The following LARGE1 variants were observed in gnomAD, a reference collection of about 807,000 sequenced individuals.
LARGE1 encodes the protein LARGE xylosyl- and glucuronyltransferase 1, also known as xylosyl- and glucuronyltransferase LARGE1.
Under a neutral mutation model 87.6 loss-of-function variants are expected in LARGE1, and 43 were observed. The ratio of observed to expected loss-of-function variants is 0.49; its 90% CI spans 0.38 to 0.63. LARGE1 has a LOEUF of 0.63. Among genes scored for constraint, LARGE1 ranks in the 30% least tolerant of loss-of-function variants. LARGE1 has a pLI of 0.00. For missense variants in LARGE1, 802 were observed against 1,000.2 expected (o/e 0.80, Z 2.67); for synonymous variants, 434 against 394.6 (o/e 1.10, Z -1.18).
chr22:33,788,595 A>G (rs997799152), intron 1 of LARGE1, among the ~76,000 whole-genome samples: 1 of 152,232 alleles, frequency 6.6e-6, no homozygotes, highest in African/African-American at 2.4e-5. Context: ...TGACAGTGAT[A>G]TGGACAATGA....
At chr22:33,811,377 C>G (rs933983906) in intron 1 of LARGE1, among the ~76,000 whole-genome samples, 3 of 152,144 alleles carry the variant, frequency 2.0e-5, no homozygotes, top group Admixed American at 2.0e-4. Flanking sequence ...GTGGGACGCT[C>G]GTGGCTGAAG....
At chr22:33,901,214 G>A (rs1015413513) in intron 1 of LARGE1, among the ~76,000 whole-genome samples, 1 of 152,090 alleles carries the variant, frequency 6.6e-6, no homozygotes, top group Non-Finnish European at 1.5e-5. Context: ...GAACCAGAAG[G>A]GTTCTCACCG....
At chr22:33,346,322 G>C (rs1421171343) in intron 9 of LARGE1, among the ~76,000 whole-genome samples, 1 of 139,304 alleles carries the variant, frequency 7.2e-6, no homozygotes, top group Non-Finnish European at 1.5e-5. Flanking sequence ...TTTTTTCTGA[G>C]ACAGAGTCTC....
chr22:33,869,711 T>C (rs1163517392), intron 1 of LARGE1, among the ~76,000 whole-genome samples: 2 of 152,192 alleles, frequency 1.3e-5, no homozygotes, highest in African/African-American at 2.4e-5. Context: ...TGGTTCTCCT[T>C]TCTCCCCATT....
At chr22:33,367,803 T>A (rs899721351) in intron 9 of LARGE1, among the ~76,000 whole-genome samples, 17 of 152,176 alleles carry the variant, frequency 1.1e-4, no homozygotes, top group African/African-American at 4.1e-4. Context: ...TTTCTTCTTT[T>A]TAATATAAAC....
At chr22:33,140,863 T>C in the LARGE1 span, among the ~76,000 whole-genome samples, 5 of 152,192 alleles carry the variant, frequency 3.3e-5, no homozygotes, top group African/African-American at 9.7e-5. Context: ...CAATATTCCT[T>C]AATAAACTCC....
At chr22:33,291,700 G>C (rs1471314063) in intron 12 of LARGE1, among the ~76,000 whole-genome samples, 15 of 147,802 alleles carry the variant, frequency 1.0e-4, no homozygotes, top group African/African-American at 3.3e-4. Context: ...AAAAAAAAAA[G>C]CTTGACAAGA....
At chr22:33,825,049 C>T (rs2146285290) in intron 1 of LARGE1, among the ~76,000 whole-genome samples, 1 of 152,258 alleles carries the variant, frequency 6.6e-6, no homozygotes, top group South Asian at 2.1e-4. Context: ...AGGGACCAGT[C>T]TTAAAATGCT....
At chr22:33,491,465 T>C (rs2069838588) in intron 6 of LARGE1, among the ~76,000 whole-genome samples, 1 of 152,170 alleles carries the variant, frequency 6.6e-6, no homozygotes, top group African/African-American at 2.4e-5. Flanking sequence ...AACTGAGCTA[T>C]CCCATCCAGC....
At chr22:33,108,566 G>C in the LARGE1 span, 2 of 152,178 alleles carry the variant, frequency 1.3e-5, no homozygotes, top group Non-Finnish European at 2.9e-5. Context: ...ATGGGGGTTG[G>C]GGGATGGATC....
chr22:33,756,437 T>C (rs1429115696), intron 2 of LARGE1, among the ~76,000 whole-genome samples: 1 of 151,702 alleles, frequency 6.6e-6, no homozygotes, highest in Non-Finnish European at 1.5e-5. Context: ...AGGAGTTAGG[T>C]AAATAGGGAG....
chr22:33,854,646 T>C (rs715502), intron 1 of LARGE1, among the ~76,000 whole-genome samples: 126,932 of 151,852 alleles, frequency 0.84, 53,138 homozygotes, highest in South Asian at 0.88. Context: ...GAGTACATCA[T>C]TTTATTCTCC....
intron 2 of LARGE1, among the ~76,000 whole-genome samples, chr22:33,659,455 C>A (rs535361051): frequency 1.3e-5 from 2 of 152,070 alleles, no homozygotes; most frequent in African/African-American, 4.8e-5. Flanking sequence ...AGTCTGCCAA[C>A]GTGTCATCAG....
chr22:33,159,583 A>C (rs1478190971), downstream of LARGE1, among the ~76,000 whole-genome samples: 3 of 143,524 alleles, frequency 2.1e-5, no homozygotes, highest in Non-Finnish European at 3.1e-5. Flanking sequence ...ATCAATTTAA[A>C]TTTTTTTTTT....
At chr22:33,320,381 C>A (rs5754522) in intron 10 of LARGE1, among the ~76,000 whole-genome samples, 3 of 152,220 alleles carry the variant, frequency 2.0e-5, no homozygotes, top group African/African-American at 7.2e-5. Context: ...GCCCAGATGG[C>A]ACCTGCTCTG....
At chr22:33,201,039 T>C (rs1374727837) in intron 11 of LARGE1, among the ~76,000 whole-genome samples, 1 of 152,184 alleles carries the variant, frequency 6.6e-6, no homozygotes, top group African/African-American at 2.4e-5. Flanking sequence ...CCGGGTGCAG[T>C]GACTCATGCC....
intron 6 of LARGE1, among the ~76,000 whole-genome samples, chr22:33,500,082 T>C (rs2070356255): frequency 6.6e-6 from 1 of 152,204 alleles, no homozygotes; most frequent in Non-Finnish European, 1.5e-5. Context: ...GACTAAAATA[T>C]GTAATTTTAT....
At chr22:33,853,753 G>C (rs1173395756) in intron 1 of LARGE1, among the ~76,000 whole-genome samples, 1 of 152,248 alleles carries the variant, frequency 6.6e-6, no homozygotes, top group Admixed American at 6.5e-5. Flanking sequence ...CGTCCACAAG[G>C]ATATGTCTGC....
chr22:33,303,627 T>G (rs1299835117), intron 12 of LARGE1, among the ~76,000 whole-genome samples: 3 of 151,850 alleles, frequency 2.0e-5, no homozygotes, highest in African/African-American at 7.3e-5. Context: ...TTCTATTTAT[T>G]ATTATTATTT....
Sources: allele counts gnomAD v4.1 joint callset (sites outside exome capture counted in the v4.1 genomes callset), GRCh38; gene constraint gnomAD v4.1.1; transcripts MANE v1.5; gene names NCBI Gene and HGNC (gene_info 2026-07-23, HGNC 2026-07-21).